Variants in HGF observed in about 807,000 individuals in gnomAD.
The protein encoded by HGF is fibroblast-derived tumor cytotoxic factor.
A neutral mutation model predicts 111.6 loss-of-function variants in HGF; 39 were observed. The observed-to-expected ratio is 0.35, with a 90% confidence interval of 0.27 to 0.46. HGF has a LOEUF of 0.46. Among genes scored for constraint, HGF ranks in the 20% least tolerant of loss-of-function variants. HGF has a pLI of 1.00. For synonymous variants in HGF, 285 were observed against 294.8 expected (o/e 0.97, Z 0.34); for missense variants, 735 against 910.5 (o/e 0.81, Z 2.48).
rs1468389431 is a variant in HGF at position 81,705,753 on chromosome 7, C to T, written c.1758G>A (p.Arg586=). 1.3e-6 allele frequency: 2 copies of T among 1,575,254 alleles called. No individual in the cohort carries two copies. The highest frequency in any genetic ancestry group is 8.7e-7 in the Non-Finnish European group (1 of 1,145,566). Residue 586 remains arginine (R), a splice_region_variant and synonymous_variant, in exon 16 of 18, where the codon AGG becomes AGA. Coordinates refer to ENST00000222390, the MANE Select transcript of HGF (RefSeq NM_000601.6). ...GSDLVLMKLA[R]PAVLDDFVST... ...TAACAAAATCATCCAGGACAGCAGG[C>T]CTGAAAACACAAAATACAATGGTAA...
intron 1 of HGF, 64 bp from the exon 2 acceptor site, chr7:81,762,936 A>T (rs1251642425): frequency 1.6e-5 from 15 of 953,096 alleles, no homozygotes; most frequent in Admixed American, 6.5e-5. Flanking sequence ...GCTCATATAT[A>T]AAAAAAATCC....
intron 1 of HGF, among the ~76,000 whole-genome samples, chr7:81,768,997 A>G (rs1199506531): frequency 1.3e-5 from 2 of 152,096 alleles, no homozygotes; most frequent in East Asian, 3.9e-4. Context: ...TAAAAAGGCC[A>G]TGTCTCCATC....
intron 5 of HGF, chr7:81,751,477 C>T (rs1302387236): frequency 1.1e-6 from 1 of 919,580 alleles, no homozygotes. Context: ...GAGCTGAAAA[C>T]ATAGACATGG....
intron 1 of HGF, among the ~76,000 whole-genome samples, chr7:81,763,458 C>T (rs766280811): frequency 1.1e-4 from 16 of 152,002 alleles, no homozygotes; most frequent in African/African-American, 4.8e-5. Flanking sequence ...TTGGTATCAC[C>T]GAACTATTTG....
chr7:81,712,160 G>A (rs1008079564), intron 11 of HGF, among the ~76,000 whole-genome samples: 2 of 151,854 alleles, frequency 1.3e-5, no homozygotes, highest in African/African-American at 2.4e-5. Context: ...GAGCTGCCTC[G>A]ATCCACCAAG....
chr7:81,699,791 A>C lies in HGF; in HGVS notation c.*2790T>G, dbSNP rs572453182. 1 of 151,762 alleles carries C rather than the reference A, an allele frequency of 6.6e-6. No homozygotes were observed. Among genetic ancestry groups the C allele is most frequent in the African/African-American group, 2.4e-5 (1 of 41,532 alleles). 9.4% of individuals were successfully genotyped at this position (151,762 alleles called of 1,614,324 possible). ...TTTGCTATCACATGCCATTATTGTT[A>C]ATTTTCTTGCCTTCCAGTGTCTCAC... On this transcript the variant is annotated 3_prime_UTR_variant, in exon 18 of 18. Coordinates refer to ENST00000222390, the MANE Select transcript of HGF (RefSeq NM_000601.6).
At chr7:81,744,887 T>G in intron 6 of HGF, 113 bp downstream of exon 6, 1 of 1,188,376 alleles carries the variant, frequency 8.4e-7, no homozygotes, top group Non-Finnish European at 1.2e-6. Context: ...AAATGTTATG[T>G]TCATGTCCTA....
chr7:81,737,331 G>A (rs1040773627), intron 7 of HGF, among the ~76,000 whole-genome samples: 9 of 151,986 alleles, frequency 5.9e-5, no homozygotes, highest in African/African-American at 1.9e-4. Flanking sequence ...TTCTGGTGCC[G>A]AGGGGCTGAG....
At chr7:81,719,657 A>C (rs1385412376) in intron 10 of HGF, among the ~76,000 whole-genome samples, 1 of 152,354 alleles carries the variant, frequency 6.6e-6, no homozygotes, top group Admixed American at 6.5e-5. Context: ...TTACCTCTTT[A>C]AAAGTGGCTA....
In HGF at chr7:81,713,187, C is replaced by A. The variant is rs1281164617; in HGVS notation, c.1406-1668G>T. Reference sequence around the variant, plus strand: ...ATTAAGCTAATAGGTCAACAAAATGCTTAGTTAACTCTTGTATCTTACAAT... The same window carrying A: ...ATTAAGCTAATAGGTCAACAAAATGATTAGTTAACTCTTGTATCTTACAAT... On this transcript the variant is annotated intron_variant, in intron 11 of 17. Transcript: ENST00000222390. 2.6e-5 allele frequency among the ~76,000 whole-genome samples: 4 copies of A among 152,054 alleles called. No homozygotes were observed. In the South Asian group the frequency reaches 6.2e-4, roughly 24 times the overall value.
intron 8 of HGF, among the ~76,000 whole-genome samples, chr7:81,727,338 C>T (rs965123130): frequency 3.3e-5 from 5 of 151,976 alleles, no homozygotes; most frequent in South Asian, 2.1e-4. Context: ...CCACCGCACC[C>T]GGCCGAAACT....
At chr7:81,732,259 C>A (rs576430807) in intron 7 of HGF, among the ~76,000 whole-genome samples, 1 of 152,152 alleles carries the variant, frequency 6.6e-6, no homozygotes, top group East Asian at 1.9e-4. Flanking sequence ...TGCCAGATAC[C>A]AATCAAGACA....
chr7:81,714,033 G>T (rs910906424), intron 11 of HGF, among the ~76,000 whole-genome samples: 1 of 145,194 alleles, frequency 6.9e-6, no homozygotes, highest in Non-Finnish European at 1.5e-5. Context: ...TGTGTGTATG[G>T]CCTCAGAACC....
chr7:81,729,023 T>TAAACAGACCCAGAAGAGCAAA (rs1379228136), intron 8 of HGF, among the ~76,000 whole-genome samples: 417 of 19,132 alleles, frequency 0.022, 73 homozygotes, highest in Middle Eastern at 0.17. Flanking sequence ...ATGTAATTGA[T>TAAACAGACCCAGAAGAGCAAA]ACTCAAGGGC....
chr7:81,707,689 G>C (rs1018360717), intron 13 of HGF, among the ~76,000 whole-genome samples: 3 of 152,096 alleles, frequency 2.0e-5, no homozygotes, highest in Non-Finnish European at 4.4e-5. Context: ...AGGAACGTAT[G>C]TGCTACAAAT....
chr7:81,720,696 C>A, intron 10 of HGF, 49 bp downstream of exon 10: 1 of 975,294 alleles, frequency 1.0e-6, no homozygotes, highest in South Asian at 1.3e-5. Context: ...AATACACAGT[C>A]TGTTGGTATC....
intron 5 of HGF, chr7:81,750,912 A>C (rs2116102056): frequency 1.2e-6 from 1 of 867,894 alleles, no homozygotes; most frequent in South Asian, 5.3e-5. Flanking sequence ...ATCATAGAAA[A>C]GTTTATTATT....
rs1329617603 is a variant in HGF at position 81,700,505 on chromosome 7, T to C, written c.*2076A>G. 1 of 151,560 alleles carries C rather than the reference T, an allele frequency of 6.6e-6. No homozygotes were observed. Among genetic ancestry groups the C allele is most frequent in the Non-Finnish European group, 1.5e-5 (1 of 67,694 alleles). 9.4% of individuals were successfully genotyped at this position (151,560 alleles called of 1,614,324 possible). A position where few individuals can be genotyped will look rare whatever the true frequency, so the allele number is the denominator to read the frequency against. ...ATTTCCAGGAAATTTAGAGGAAGAG[T>C]CATTAAAGAAGTATTTTTAAAATGT... On this transcript the variant is annotated 3_prime_UTR_variant, in exon 18 of 18. Transcript: ENST00000222390.
At chr7:81,741,402 G>C (rs1418257278) in intron 7 of HGF, among the ~76,000 whole-genome samples, 1 of 152,048 alleles carries the variant, frequency 6.6e-6, no homozygotes, top group Non-Finnish European at 1.5e-5. Flanking sequence ...AGAGAAAAAA[G>C]AAACCTACTT....
Sources: allele counts gnomAD v4.1 joint callset (sites outside exome capture counted in the v4.1 genomes callset), GRCh38; gene constraint gnomAD v4.1.1; transcripts MANE v1.5; gene names NCBI Gene and HGNC (gene_info 2026-07-23, HGNC 2026-07-21).